The following NDUFAF2 variants were observed in gnomAD, a reference collection of about 807,000 sequenced individuals.
The protein encoded by NDUFAF2 is NADH dehydrogenase [ubiquinone] 1 alpha subcomplex assembly factor 2.
Under a neutral mutation model 22.8 loss-of-function variants are expected in NDUFAF2, and 13 were observed. That is an observed-to-expected ratio of 0.57 (90% CI 0.37 to 0.91). NDUFAF2 has a LOEUF of 0.91. Ranked by LOEUF, NDUFAF2 falls within the 40% of genes least tolerant of loss-of-function variation. The pLI is 0.01. For synonymous variants in NDUFAF2, 53 were observed against 64.2 expected, an observed-to-expected ratio of 0.83 and a Z score of 0.84; for missense variants, 162 against 195.2, an observed-to-expected ratio of 0.83 and a Z score of 1.01.
At chr5:60,984,339 G>C (rs1396674924) in intron 1 of NDUFAF2, among the ~76,000 whole-genome samples, 1 of 152,026 alleles carries the variant, frequency 6.6e-6, no homozygotes, top group Non-Finnish European at 1.5e-5. Context: ...CATGTCATCT[G>C]CAAACAGGGA....
chr5:61,035,638 C>T (rs1751791377), intron 1 of NDUFAF2, among the ~76,000 whole-genome samples: 2 of 152,004 alleles, frequency 1.3e-5, no homozygotes, highest in Non-Finnish European at 2.9e-5. Flanking sequence ...AAGGACAAGA[C>T]ACAAATCTGT....
At chr5:60,957,005 T>C (rs1025394545) in intron 1 of NDUFAF2, among the ~76,000 whole-genome samples, 9 of 152,132 alleles carry the variant, frequency 5.9e-5, no homozygotes, top group Non-Finnish European at 1.2e-4. Flanking sequence ...AATTTTAAAG[T>C]TGATAATTTA....
intron 1 of NDUFAF2, among the ~76,000 whole-genome samples, chr5:60,962,718 A>T (rs1211143180): frequency 6.6e-6 from 1 of 151,360 alleles, no homozygotes; most frequent in African/African-American, 2.4e-5. Flanking sequence ...CTGTAGTCCC[A>T]GCTACTTTGG....
chr5:60,992,812 T>A (rs1751178164), intron 1 of NDUFAF2, among the ~76,000 whole-genome samples: 1 of 152,182 alleles, frequency 6.6e-6, no homozygotes, highest in South Asian at 2.1e-4. Flanking sequence ...AGTTTAAAAA[T>A]TTTTTCCTTT....
At position 61,018,032 on chromosome 5, in the gene NDUFAF2, G is replaced by A. The variant is rs558833150; in HGVS notation, c.128-55093G>A. Among the ~76,000 whole-genome samples the A allele has an allele frequency of 5.3e-5, 8 of 152,242 alleles. No individual in the cohort carries two copies. In the South Asian group the frequency reaches 1.2e-3, roughly 24 times the overall value. On this transcript the variant is annotated intron_variant, in intron 1 of 3. Coordinates refer to ENST00000296597, the MANE Select transcript of NDUFAF2 (RefSeq NM_174889.5). ...CTCCCAGAGTGCTGGGATTACAGGCGTGAGCCACTGCATCCTCATATTAAC... is the reference window on the plus strand; with the variant it reads ...CTCCCAGAGTGCTGGGATTACAGGCATGAGCCACTGCATCCTCATATTAAC...
Position 60,985,548 on chromosome 5 carries a change from G to C in NDUFAF2, c.127+40166G>C, listed in dbSNP as rs182360271. Among the ~76,000 whole-genome samples the C allele has an allele frequency of 5.7e-3, 862 of 152,094 alleles. 10 individuals are homozygous for C. The highest frequency in any genetic ancestry group is 0.02 in the African/African-American group (832 of 41,458). On this transcript the variant is annotated intron_variant, in intron 1 of 3. Coordinates refer to ENST00000296597, the MANE Select transcript of NDUFAF2 (RefSeq NM_174889.5). Reference sequence around the variant, plus strand: ...TGGGCATCTAGTGCTATAAATTTCCGTCTACACACTGCTTTAAATGTGTCC... The same window carrying C: ...TGGGCATCTAGTGCTATAAATTTCCCTCTACACACTGCTTTAAATGTGTCC...
intron 1 of NDUFAF2, among the ~76,000 whole-genome samples, chr5:61,005,507 T>A (rs1438202820): frequency 6.6e-6 from 1 of 152,164 alleles, no homozygotes; most frequent in Non-Finnish European, 1.5e-5. Context: ...CGTGAGGAAT[T>A]GCCACACTGT....
chr5:61,059,160 C>T (rs1752134083), intron 1 of NDUFAF2, among the ~76,000 whole-genome samples: 1 of 151,964 alleles, frequency 6.6e-6, no homozygotes, highest in Non-Finnish European at 1.5e-5. Context: ...AATCAGAAGA[C>T]CTGCTTAACT....
At chr5:61,123,821 A>G (rs1401522527) in intron 3 of NDUFAF2, among the ~76,000 whole-genome samples, 1 of 152,126 alleles carries the variant, frequency 6.6e-6, no homozygotes, top group Non-Finnish European at 1.5e-5. Context: ...TGTCTTCTTT[A>G]TGTGTTTAAC....
chr5:61,110,839 T>G (rs954558351), intron 3 of NDUFAF2, among the ~76,000 whole-genome samples: 3 of 152,062 alleles, frequency 2.0e-5, no homozygotes, highest in Non-Finnish European at 4.4e-5. Flanking sequence ...TGATTTTTAT[T>G]ATTTCTTTTC....
At chr5:61,138,326 A>G (rs996922269) in intron 3 of NDUFAF2, among the ~76,000 whole-genome samples, 4 of 152,244 alleles carry the variant, frequency 2.6e-5, no homozygotes, top group Non-Finnish European at 5.9e-5. Context: ...ACAATTCAAG[A>G]TAAATTTTGA....
At chr5:60,962,273 T>C (rs1429594974) in intron 1 of NDUFAF2, among the ~76,000 whole-genome samples, 1 of 151,904 alleles carries the variant, frequency 6.6e-6, no homozygotes, top group African/African-American at 2.4e-5. Context: ...TTTGTCTCCA[T>C]GGAATTAACA....
intron 1 of NDUFAF2, among the ~76,000 whole-genome samples, chr5:61,014,103 T>G (rs1554079793): frequency 6.6e-6 from 1 of 152,226 alleles, no homozygotes; most frequent in Non-Finnish European, 1.5e-5. Context: ...ATGGGGCTGG[T>G]CCCCAGAAAG....
chr5:61,050,854 G>A (rs531771878), intron 1 of NDUFAF2, among the ~76,000 whole-genome samples: 1 of 152,282 alleles, frequency 6.6e-6, no homozygotes, highest in Admixed American at 6.5e-5. Context: ...ACTATGTTGT[G>A]TTTATAATTA....
At chr5:61,030,070 T>C (rs1220702874) in intron 1 of NDUFAF2, among the ~76,000 whole-genome samples, 1 of 152,130 alleles carries the variant, frequency 6.6e-6, no homozygotes, top group Non-Finnish European at 1.5e-5. Flanking sequence ...ATAGAGATCA[T>C]GCCTTTAAAT....
chr5:60,974,611 C>T (rs1229463753), intron 1 of NDUFAF2, among the ~76,000 whole-genome samples: 1 of 152,096 alleles, frequency 6.6e-6, no homozygotes, highest in Non-Finnish European at 1.5e-5. Context: ...CCTCGCATCC[C>T]AAAGTGCTGG....
chr5:60,992,392 A>C (rs1751172329), intron 1 of NDUFAF2, among the ~76,000 whole-genome samples: 1 of 152,014 alleles, frequency 6.6e-6, no homozygotes, highest in African/African-American at 2.4e-5. Flanking sequence ...TGTCCTGGAG[A>C]GTTTCCCTAC....
intron 1 of NDUFAF2, among the ~76,000 whole-genome samples, chr5:60,968,771 C>T (rs1750790281): frequency 6.6e-6 from 1 of 151,946 alleles, no homozygotes; most frequent in South Asian, 2.1e-4. Flanking sequence ...ACAATTGTCA[C>T]CCTGTTGTGC....
intron 1 of NDUFAF2, among the ~76,000 whole-genome samples, chr5:60,977,972 C>T (rs2619891): frequency 0.15 from 22,585 of 152,058 alleles, 2,133 homozygotes; most frequent in South Asian, 0.28. Context: ...ATCATAGTAC[C>T]TAGTTTTAAA....
Sources: gnomAD v4.1 joint callset for allele counts (sites outside exome capture counted in the v4.1 genomes callset) on GRCh38, gnomAD v4.1.1 for gene constraint, MANE v1.5 for transcripts, NCBI Gene and HGNC (gene_info 2026-07-23, HGNC 2026-07-21) for gene names.